Variants in IPCEF1 observed in about 807,000 individuals in gnomAD.
The protein encoded by IPCEF1 is interaction protein for cytohesin exchange factors 1.
In IPCEF1, 31 loss-of-function variants were observed where a neutral mutation model predicts 50.9. The ratio of observed to expected loss-of-function variants is 0.61; its 90% CI spans 0.46 to 0.82. The LOEUF (loss-of-function observed/expected upper bound fraction) is 0.82. Ranked by LOEUF, IPCEF1 falls within the 40% of genes least tolerant of loss-of-function variation. The probability of loss-of-function intolerance (pLI) is 0.00; values close to 1 mark genes in which losing one functional copy is unlikely to be tolerated. For missense variants in IPCEF1, 458 were observed against 514.0 expected, an observed-to-expected ratio of 0.89 and a Z score of 1.05; for synonymous variants, 181 against 192.0, an observed-to-expected ratio of 0.94 and a Z score of 0.47.
intron 5 of IPCEF1, among the ~76,000 whole-genome samples, chr6:154,241,603 T>C (rs534679062): frequency 1.1e-4 from 16 of 152,228 alleles, no homozygotes; most frequent in Admixed American, 5.2e-4. Flanking sequence ...TCTTCATACC[T>C]CACCCCTTTT....
intron 10 of IPCEF1, among the ~76,000 whole-genome samples, chr6:154,173,091 G>A (rs1284169865): frequency 1.3e-5 from 2 of 152,212 alleles, no homozygotes; most frequent in East Asian, 1.9e-4. Flanking sequence ...CTGTTACAAG[G>A]AAAACTAACA....
Position 154,182,636 on chromosome 6 carries a change from T to C in IPCEF1, c.911-14523A>G, listed in dbSNP as rs1583729240. On this transcript the variant is annotated intron_variant, in intron 10 of 11. Coordinates refer to ENST00000367220, the MANE Select transcript of IPCEF1 (RefSeq NM_001130700.2). ...AAAAAAGATATTTGATCGCCTTTTT[T>C]TCTTCTTAAAATACGTTTATGAGGT... Among the ~76,000 whole-genome samples the C allele has an allele frequency of 1.3e-5, 2 of 152,348 alleles. 1 individual carries two copies. Among genetic ancestry groups the C allele is most frequent in the South Asian group, 4.1e-4 (2 of 4,826 alleles).
intron 1 of IPCEF1, among the ~76,000 whole-genome samples, chr6:154,320,486 G>A (rs193191865): frequency 6.6e-6 from 1 of 152,240 alleles, no homozygotes; most frequent in East Asian, 1.9e-4. Flanking sequence ...CTCTAATACC[G>A]ATTTTAGTGC....
At chr6:154,269,849 A>G (rs1251746863) in intron 2 of IPCEF1, among the ~76,000 whole-genome samples, 1 of 152,232 alleles carries the variant, frequency 6.6e-6, no homozygotes, top group Non-Finnish European at 1.5e-5. Context: ...TTGTTTGGAC[A>G]ATGAGAACTG....
At chr6:154,296,616 T>C (rs1782664785) in intron 1 of IPCEF1, among the ~76,000 whole-genome samples, 1 of 151,710 alleles carries the variant, frequency 6.6e-6, no homozygotes, top group Non-Finnish European at 1.5e-5. Flanking sequence ...GATCACGAGG[T>C]CAGGAGATCA....
chr6:154,265,848 A>G, intron 3 of IPCEF1, 64 bp downstream of exon 3: 1 of 1,140,046 alleles, frequency 8.8e-7, no homozygotes, highest in East Asian at 2.5e-5. Flanking sequence ...AAATCAACCT[A>G]CTATTTTACT....
At chr6:154,241,229 C>A in intron 5 of IPCEF1, among the ~76,000 whole-genome samples, 2 of 110,474 alleles carry the variant, frequency 1.8e-5, no homozygotes, top group Admixed American at 9.8e-5. Flanking sequence ...AGTGAGACTC[C>A]ATCTCAAAAA....
intron 1 of IPCEF1, among the ~76,000 whole-genome samples, chr6:154,350,761 C>T (rs1784106847): frequency 6.6e-6 from 1 of 152,162 alleles, no homozygotes; most frequent in African/African-American, 2.4e-5. Flanking sequence ...TACTCTGCTG[C>T]CCAGGCTGTA....
chr6:154,168,199 C>T lies in IPCEF1; in HGVS notation c.911-86G>A, dbSNP rs910171040. ...CATTCAATACTGTGGTCCCAAGGCACGGCCCCACTGGCACCCTCATCTCAG... is the reference window on the plus strand; with the variant it reads ...CATTCAATACTGTGGTCCCAAGGCATGGCCCCACTGGCACCCTCATCTCAG... On this transcript the variant is annotated intron_variant, in intron 10 of 11. Coordinates refer to ENST00000367220, the MANE Select transcript of IPCEF1 (RefSeq NM_001130700.2). This position sits in a 1 kb window ranked among gnomAD's most constrained non-coding sequence, Gnocchi z 4.1. 33 of 966,978 alleles carry T rather than the reference C, an allele frequency of 3.4e-5. No individual in the cohort carries two copies. The highest frequency in any genetic ancestry group is 4.9e-5 in the African/African-American group (3 of 61,772). The allele number at this position is 966,978 out of a possible 1,614,324, so 59.9% of individuals were successfully genotyped here. A position where few individuals can be genotyped will look rare whatever the true frequency, so the allele number is the denominator to read the frequency against.
At chr6:154,240,221 C>A (rs981162861) in intron 5 of IPCEF1, among the ~76,000 whole-genome samples, 2 of 152,070 alleles carry the variant, frequency 1.3e-5, no homozygotes, top group African/African-American at 4.8e-5. Flanking sequence ...TTAAGCAATT[C>A]CTTCAAAAAA....
At chr6:154,306,023 G>A (rs541403085) in intron 1 of IPCEF1, among the ~76,000 whole-genome samples, 15 of 152,132 alleles carry the variant, frequency 9.9e-5, no homozygotes, top group Non-Finnish European at 1.3e-4. Context: ...TTCACCTTGC[G>A]ATCGTGTGAG....
At chr6:154,339,883 C>T (rs989421046) in intron 1 of IPCEF1, among the ~76,000 whole-genome samples, 13 of 152,088 alleles carry the variant, frequency 8.5e-5, no homozygotes, top group East Asian at 3.9e-4. Flanking sequence ...AGGCATGAGC[C>T]GCCGCTCCTG....
intron 1 of IPCEF1, among the ~76,000 whole-genome samples, chr6:154,323,085 C>T (rs973281113): frequency 6.6e-6 from 1 of 152,178 alleles, no homozygotes; most frequent in African/African-American, 2.4e-5. Context: ...GTTGTCAGCT[C>T]TGCATCCCAT....
chr6:154,177,882 A>T (rs2128563648), intron 10 of IPCEF1, among the ~76,000 whole-genome samples: 2 of 152,328 alleles, frequency 1.3e-5, no homozygotes, highest in South Asian at 4.1e-4. Context: ...AAGACTTGTA[A>T]CCAACCCAAA....
chr6:154,329,223 G>A (rs1281211197), intron 1 of IPCEF1, among the ~76,000 whole-genome samples: 3 of 151,998 alleles, frequency 2.0e-5, no homozygotes, highest in African/African-American at 7.3e-5. Flanking sequence ...ACCTGCTTGG[G>A]CAACATGGCA....
At chr6:154,282,379 G>A (rs1782239414) in intron 2 of IPCEF1, among the ~76,000 whole-genome samples, 1 of 152,070 alleles carries the variant, frequency 6.6e-6, no homozygotes, top group Non-Finnish European at 1.5e-5. Context: ...AGCGATAGAA[G>A]TGGTAAGAAG....
chr6:154,173,872 A>G (rs1276267478), intron 10 of IPCEF1, among the ~76,000 whole-genome samples: 1 of 152,212 alleles, frequency 6.6e-6, no homozygotes, highest in Non-Finnish European at 1.5e-5. Flanking sequence ...CATAACTGTG[A>G]GATTCATCAA....
intron 10 of IPCEF1, among the ~76,000 whole-genome samples, chr6:154,188,205 C>G (rs1801551800): frequency 6.6e-6 from 1 of 151,882 alleles, no homozygotes; most frequent in Non-Finnish European, 1.5e-5. Context: ...TTCATGTAAA[C>G]CAGCAATAGT....
chr6:154,265,935 T>C lies in IPCEF1; in HGVS notation c.13A>G (p.Met5Val). The C allele has an allele frequency of 1.2e-6, 2 of 1,602,900 alleles. No homozygotes were observed. The highest frequency in any genetic ancestry group is 8.5e-7 in the Non-Finnish European group (1 of 1,173,632). MTSY[M>V]AIDGSALQVP... ...ACAAGAGCACTGCCATCAATAGCCA[T>C]GTATGATGTCATCTTAGTAGAAACA... is the stretch of plus-strand genomic sequence containing the variant. Residue 5 changes from methionine (M) to valine (V), a missense_variant, in exon 3 of 12, where the codon ATG becomes GTG. Transcript: ENST00000367220.
Sources: gnomAD v4.1 joint callset for allele counts (sites outside exome capture counted in the v4.1 genomes callset) on GRCh38, gnomAD v4.1.1 for gene constraint, Gnocchi (gnomAD v3.1) non-coding constraint, MANE v1.5 for transcripts, NCBI Gene and HGNC (gene_info 2026-07-23, HGNC 2026-07-21) for gene names.